PTPRD: variants seen among roughly 807,000 people sequenced by gnomAD.
The protein encoded by PTPRD is protein tyrosine phosphatase receptor type D, also known as receptor-type tyrosine-protein phosphatase delta.
Under a neutral mutation model 214.5 loss-of-function variants are expected in PTPRD, and 34 were observed. That is an observed-to-expected ratio of 0.16 (90% CI 0.12 to 0.21). The LOEUF (loss-of-function observed/expected upper bound fraction) is 0.21. Among genes scored for constraint, PTPRD ranks in the 10% least tolerant of loss-of-function variants. The pLI, the probability that PTPRD is intolerant of heterozygous loss-of-function variation, is 1.00. For missense variants in PTPRD, 2,545 were observed against 2,398.7 expected, an observed-to-expected ratio of 1.06 and a Z score of -1.27; for synonymous variants, 1,128 against 845.7, an observed-to-expected ratio of 1.33 and a Z score of -5.79.
chr9:10,128,576 G>A lies in PTPRD; in HGVS notation c.-544-94786C>T, dbSNP rs769405143. Among the ~76,000 whole-genome samples, 4 of 152,244 alleles carry A rather than the reference G, an allele frequency of 2.6e-5. No homozygotes were observed. The East Asian group carries it at 5.8e-4, about 22-fold the overall frequency. Reference sequence around the variant, plus strand: ...GGACTTTCAGCCTCCAGAACTGCGAGACCATAAATTTCTGTTGTTTAAGCC... The same window carrying A: ...GGACTTTCAGCCTCCAGAACTGCGAAACCATAAATTTCTGTTGTTTAAGCC... On this transcript the variant is annotated intron_variant, in intron 3 of 45. Coordinates refer to ENST00000381196, the MANE Select transcript of PTPRD (RefSeq NM_002839.4).
At chr9:10,435,611 T>C (rs2098712017) in intron 2 of PTPRD, among the ~76,000 whole-genome samples, 1 of 151,932 alleles carries the variant, frequency 6.6e-6, no homozygotes, top group South Asian at 2.1e-4. Context: ...TTGTACTTTA[T>C]TCATTCCAAA....
chr9:9,150,742 G>A (rs935482760), intron 10 of PTPRD, among the ~76,000 whole-genome samples: 6 of 151,988 alleles, frequency 3.9e-5, no homozygotes, highest in Non-Finnish European at 5.9e-5. Context: ...CCAAAGGGCT[G>A]GGATTACAGG....
chr9:10,410,253 G>GTGTA lies in PTPRD; in HGVS notation c.-599-69237_-599-69236insTACA, dbSNP rs141919119. Among the ~76,000 whole-genome samples, 217 of 127,136 alleles carry GTGTA rather than the reference G, an allele frequency of 1.7e-3. 2 individuals carry two copies. Among genetic ancestry groups the GTGTA allele is most frequent in the African/African-American group, 5.7e-3 (208 of 36,774 alleles). 83.4% of individuals were successfully genotyped at this position (127,136 alleles called of 152,430 possible). ...AGGTAATTAACTGGACATATTTTGTGTATATATATATATATATACACACAC... is the reference window on the plus strand; with the variant it reads ...AGGTAATTAACTGGACATATTTTGTGTGTATATATATATATATATATACACACAC... On this transcript the variant is annotated intron_variant, in intron 2 of 45. Coordinates refer to ENST00000381196, the MANE Select transcript of PTPRD (RefSeq NM_002839.4).
At chr9:9,465,972 A>G (rs2094122515) in intron 8 of PTPRD, among the ~76,000 whole-genome samples, 1 of 152,118 alleles carries the variant, frequency 6.6e-6, no homozygotes. Context: ...GAGATTTCAC[A>G]AAAATATTTA....
chr9:8,822,785 A>C (rs141345972), intron 11 of PTPRD, among the ~76,000 whole-genome samples: 1 of 152,270 alleles, frequency 6.6e-6, no homozygotes, highest in East Asian at 1.9e-4. Context: ...ACAGAACTGG[A>C]ATCCAATTCT....
At chr9:8,976,856 G>A (rs2099270709) in intron 11 of PTPRD, among the ~76,000 whole-genome samples, 1 of 152,068 alleles carries the variant, frequency 6.6e-6, no homozygotes, top group Non-Finnish European at 1.5e-5. Flanking sequence ...CTGTTAAGGT[G>A]AAGGAAAAGA....
At chr9:10,358,363 T>C (rs1048714561) in intron 2 of PTPRD, among the ~76,000 whole-genome samples, 9 of 152,088 alleles carry the variant, frequency 5.9e-5, no homozygotes, top group Non-Finnish European at 8.8e-5. Flanking sequence ...AAATAAATAA[T>C]GTGTAAGTTT....
chr9:9,498,335 C>G (rs1589932561), intron 8 of PTPRD, among the ~76,000 whole-genome samples: 1 of 152,114 alleles, frequency 6.6e-6, no homozygotes, highest in South Asian at 2.1e-4. Flanking sequence ...ACAGGCTTCA[C>G]AGATAGAGCT....
chr9:10,605,748 T>C (rs1567177134), intron 2 of PTPRD, among the ~76,000 whole-genome samples: 4 of 152,036 alleles, frequency 2.6e-5, no homozygotes, highest in East Asian at 1.9e-4. Flanking sequence ...ATAACGTGGA[T>C]ACATTTTATA....
intron 3 of PTPRD, among the ~76,000 whole-genome samples, chr9:10,256,515 T>G (rs115934704): frequency 2.0e-5 from 3 of 152,140 alleles, no homozygotes; most frequent in Non-Finnish European, 4.4e-5. Context: ...GGGGTATATG[T>G]GGTCCATCAC....
At chr9:9,924,981 T>C (rs1410955805) in intron 5 of PTPRD, among the ~76,000 whole-genome samples, 1 of 152,120 alleles carries the variant, frequency 6.6e-6, no homozygotes, top group Admixed American at 6.6e-5. Flanking sequence ...ACAAATAAAA[T>C]ATGTTTACTA....
chr9:9,691,562 G>C (rs779568460), intron 7 of PTPRD, among the ~76,000 whole-genome samples: 6 of 151,870 alleles, frequency 4.0e-5, no homozygotes, highest in Non-Finnish European at 8.8e-5. Flanking sequence ...TTTACATTTT[G>C]GCTACTGTGA....
intron 9 of PTPRD, among the ~76,000 whole-genome samples, chr9:9,212,066 G>A (rs1046777606): frequency 2.6e-5 from 4 of 151,922 alleles, no homozygotes; most frequent in African/African-American, 4.8e-5. Context: ...CATCAAAACT[G>A]GATTTTGCCT....
chr9:10,123,207 C>T (rs2098790523), intron 3 of PTPRD, among the ~76,000 whole-genome samples: 1 of 152,246 alleles, frequency 6.6e-6, no homozygotes, highest in South Asian at 2.1e-4. Flanking sequence ...ATTGAAGCTA[C>T]ATAGGTGCTC....
intron 9 of PTPRD, among the ~76,000 whole-genome samples, chr9:9,240,641 T>C (rs1216124551): frequency 1.3e-5 from 2 of 152,174 alleles, no homozygotes; most frequent in African/African-American, 2.4e-5. Flanking sequence ...TTTGATATAT[T>C]AAAATATATG....
chr9:10,073,151 G>C (rs1160417975), intron 3 of PTPRD, among the ~76,000 whole-genome samples: 1 of 152,024 alleles, frequency 6.6e-6, no homozygotes, highest in East Asian at 1.9e-4. Context: ...TTGAATAGAT[G>C]AAGCCCACAA....
At chr9:9,479,543 A>G (rs1415234748) in intron 8 of PTPRD, among the ~76,000 whole-genome samples, 1 of 152,180 alleles carries the variant, frequency 6.6e-6, no homozygotes, top group Non-Finnish European at 1.5e-5. Flanking sequence ...TACAAGTACT[A>G]AAAACAAGTC....
chr9:8,504,486 T>G, intron 22 of PTPRD, 81 bp from the exon 23 acceptor site: 1 of 1,475,952 alleles, frequency 6.8e-7, no homozygotes, highest in Non-Finnish European at 9.4e-7. Flanking sequence ...GACCATCAGA[T>G]TTCTATCATC....
At chr9:9,186,525 C>T (rs901153513) in intron 9 of PTPRD, among the ~76,000 whole-genome samples, 6 of 151,792 alleles carry the variant, frequency 4.0e-5, no homozygotes, top group African/African-American at 1.5e-4. Flanking sequence ...GTGGGAAGAT[C>T]GATTGAGCTC....
Sources: allele counts gnomAD v4.1 joint callset (sites outside exome capture counted in the v4.1 genomes callset), GRCh38; gene constraint gnomAD v4.1.1; transcripts MANE v1.5; gene names NCBI Gene and HGNC (gene_info 2026-07-23, HGNC 2026-07-21).